SUSD6: variants seen among roughly 807,000 people sequenced by gnomAD.
SUSD6 encodes sushi domain-containing protein 6.
In SUSD6, 16 loss-of-function variants were observed where a neutral mutation model predicts 28.4. That is an observed-to-expected ratio of 0.56 (90% CI 0.38 to 0.86). The LOEUF (loss-of-function observed/expected upper bound fraction) is 0.86. Ranked by LOEUF, SUSD6 falls within the 40% of genes least tolerant of loss-of-function variation. The pLI is 0.00. For missense variants in SUSD6, 341 were observed against 384.2 expected, an observed-to-expected ratio of 0.89 and a Z score of 0.94; for synonymous variants, 147 against 159.6, an observed-to-expected ratio of 0.92 and a Z score of 0.59.
chr14:69,623,535 AAT>A (rs1885072315), intron 1 of SUSD6, among the ~76,000 whole-genome samples: 4 of 152,224 alleles, frequency 2.6e-5, no homozygotes, highest in African/African-American at 9.6e-5. Flanking sequence ...TTTTGTCATC[AAT>A]ATAGACTGTA....
chr14:69,631,069 C>T (rs1259699287), intron 1 of SUSD6, among the ~76,000 whole-genome samples: 1 of 152,238 alleles, frequency 6.6e-6, no homozygotes, highest in African/African-American at 2.4e-5. Context: ...GTCCCCAAAG[C>T]TTGCTGTGGC....
chr14:69,701,592 A>G (rs74060286), intron 2 of SUSD6, among the ~76,000 whole-genome samples: 1 of 152,104 alleles, frequency 6.6e-6, no homozygotes, highest in African/African-American at 2.4e-5. Flanking sequence ...GCTCTGAACT[A>G]CTTGGCCAAA....
chr14:69,710,858 G>A (rs1221162796), intron 5 of SUSD6, 96 bp from the exon 6 acceptor site: 2 of 1,132,230 alleles, frequency 1.8e-6, no homozygotes, highest in Non-Finnish European at 2.7e-6. Context: ...TAAATTAGGG[G>A]CTATGTAGGA....
At chr14:69,697,444 T>C (rs958747056) in intron 2 of SUSD6, among the ~76,000 whole-genome samples, 1 of 152,194 alleles carries the variant, frequency 6.6e-6, no homozygotes, top group African/African-American at 2.4e-5. Flanking sequence ...ATGCCTCTTA[T>C]ATAAGTGTAC....
chr14:69,679,215 A>G (rs1171422984), intron 2 of SUSD6, among the ~76,000 whole-genome samples: 1 of 152,176 alleles, frequency 6.6e-6, no homozygotes, highest in Non-Finnish European at 1.5e-5. Context: ...TAGGGGATTG[A>G]CAGGGTTGAA....
chr14:69,625,542 C>T (rs1885101855), intron 1 of SUSD6, among the ~76,000 whole-genome samples: 1 of 152,178 alleles, frequency 6.6e-6, no homozygotes, highest in South Asian at 2.1e-4. Flanking sequence ...AGACAGGAAG[C>T]ACTGGCCAGG....
intron 2 of SUSD6, among the ~76,000 whole-genome samples, chr14:69,690,125 G>A (rs1886133147): frequency 6.6e-6 from 1 of 152,308 alleles, no homozygotes; most frequent in South Asian, 2.1e-4. Context: ...TCTTCTGACT[G>A]GGCATCTCAG....
rs533101353 is a variant in SUSD6, at chr14:69,705,326, A to C, written c.458+584A>C. ...GAGTAAGACTCTGTCCCATTAAAAA[A>C]AAAAAACAAAAAAAAACGGAAATCT... On this transcript the variant is annotated intron_variant, in intron 4 of 5. Transcript: ENST00000342745. Among the ~76,000 whole-genome samples the C allele has an allele frequency of 1.7e-4, 24 of 142,178 alleles. No homozygotes were observed. In the East Asian group the frequency reaches 4.3e-3, roughly 26 times the overall value. The allele number at this position is 142,178 out of a possible 152,430, so 93.3% of individuals were successfully genotyped here. A position where few individuals can be genotyped will look rare whatever the true frequency, so the allele number is the denominator to read the frequency against.
At chr14:69,679,119 G>A (rs972509647) in intron 2 of SUSD6, among the ~76,000 whole-genome samples, 1 of 152,080 alleles carries the variant, frequency 6.6e-6, no homozygotes, top group African/African-American at 2.4e-5. Context: ...CTTTAATTTT[G>A]TATTTCCTTG....
In SUSD6 at chr14:69,708,809, G is replaced by T. The variant is rs777515686; in HGVS notation, c.591G>T (p.Gln197His). Residue 197 changes from glutamine to histidine, a missense_variant, in exon 5 of 6, where the codon CAG (glutamine) becomes CAT (histidine). Physicochemically the swap from Gln to His is conservative, Grantham distance 24. Transcript: ENST00000342745. ...HCVPPADPRVQIVLSEGSGPS... is the reference protein window; with the variant it reads ...HCVPPADPRVHIVLSEGSGPS... ...TGCCACCTGCTGACCCCAGAGTACAGATTGTGCTGTCAGAAGGGTCTGGGC... is the reference window on the plus strand; with the variant it reads ...TGCCACCTGCTGACCCCAGAGTACATATTGTGCTGTCAGAAGGGTCTGGGC... 2 of 1,614,216 alleles carry T rather than the reference G, an allele frequency of 1.2e-6. No individual in the cohort carries two copies. The highest frequency in any genetic ancestry group is 1.7e-6 in the Non-Finnish European group (2 of 1,180,044).
intron 4 of SUSD6, among the ~76,000 whole-genome samples, chr14:69,706,266 G>A (rs1886385343): frequency 1.3e-5 from 2 of 152,146 alleles, no homozygotes; most frequent in African/African-American, 4.8e-5. Flanking sequence ...AAATGAGGGA[G>A]TTTTCCCCCC....
intron 2 of SUSD6, among the ~76,000 whole-genome samples, chr14:69,686,807 G>A (rs536934489): frequency 1.3e-5 from 2 of 152,240 alleles, no homozygotes; most frequent in South Asian, 4.1e-4. Flanking sequence ...CACAACATGT[G>A]GGAATTATGG....
chr14:69,669,633 A>T (rs1885800381), intron 2 of SUSD6, among the ~76,000 whole-genome samples: 1 of 152,170 alleles, frequency 6.6e-6, no homozygotes, highest in Admixed American at 6.5e-5. Context: ...TCCCCTAAAC[A>T]TCTTCAAGCT....
chr14:69,671,539 T>C (rs1250612303), intron 2 of SUSD6, among the ~76,000 whole-genome samples: 1 of 152,172 alleles, frequency 6.6e-6, no homozygotes, highest in Non-Finnish European at 1.5e-5. Context: ...TGGGGTCCCA[T>C]GTGGGTCTTA....
chr14:69,709,142 T>C (rs760640067), intron 5 of SUSD6, 38 bp downstream of exon 5: 12 of 1,497,626 alleles, frequency 8.0e-6, no homozygotes, highest in African/African-American at 7.0e-5. Flanking sequence ...ATTAGCTGCT[T>C]AGGGTCCTTG....
chr14:69,632,280 G>C (rs185036714), intron 1 of SUSD6, among the ~76,000 whole-genome samples: 82 of 152,266 alleles, frequency 5.4e-4, no homozygotes, highest in African/African-American at 1.9e-3. Context: ...CCAGGTGGAG[G>C]GGTCAGGCTT....
intron 2 of SUSD6, among the ~76,000 whole-genome samples, chr14:69,676,829 A>G (rs1178640411): frequency 6.6e-6 from 1 of 152,246 alleles, no homozygotes; most frequent in Non-Finnish European, 1.5e-5. Flanking sequence ...CAGCCTCTCA[A>G]GGTCTCCTGC....
At chr14:69,672,129 G>A (rs575634256) in intron 2 of SUSD6, among the ~76,000 whole-genome samples, 59 of 152,226 alleles carry the variant, frequency 3.9e-4, no homozygotes, top group African/African-American at 1.4e-3. Context: ...TCCCTGGTTG[G>A]AGGCTGGCAT....
At chr14:69,644,517 G>A (rs77319247) in intron 1 of SUSD6, among the ~76,000 whole-genome samples, 1 of 152,110 alleles carries the variant, frequency 6.6e-6, no homozygotes, top group South Asian at 2.1e-4. Context: ...GGGCTTGGGG[G>A]CGTGTGCCTG....
Sources: gnomAD v4.1 joint callset for allele counts (sites outside exome capture counted in the v4.1 genomes callset) on GRCh38, gnomAD v4.1.1 for gene constraint, MANE v1.5 for transcripts, NCBI Gene and HGNC (gene_info 2026-07-23, HGNC 2026-07-21) for gene names.